The following RBFOX1 variants were observed in gnomAD, a reference collection of about 807,000 sequenced individuals.
RBFOX1 encodes the protein RNA binding fox-1 homolog 1, also known as RNA binding protein fox-1 homolog 1.
A neutral mutation model predicts 57.7 loss-of-function variants in RBFOX1; 8 were observed. The ratio of observed to expected loss-of-function variants is 0.14; its 90% CI spans 0.08 to 0.25. The LOEUF is 0.25. RBFOX1 is among the 10% of genes least tolerant of loss of function. The probability of loss-of-function intolerance (pLI) is 1.00; values close to 1 mark genes in which losing one functional copy is unlikely to be tolerated. For synonymous variants in RBFOX1, 326 were observed against 222.4 expected, an observed-to-expected ratio of 1.47 and a Z score of -4.15; for missense variants, 611 against 548.5, an observed-to-expected ratio of 1.11 and a Z score of -1.14.
chr16:6,296,290 A>G (rs987495131), intron 1 of RBFOX1, among the ~76,000 whole-genome samples: 2 of 152,222 alleles, frequency 1.3e-5, no homozygotes, highest in East Asian at 1.9e-4. Context: ...CTCCGGAAGC[A>G]GAATCCTGGC....
At chr16:7,523,253 G>A (rs569996024) in intron 5 of RBFOX1, among the ~76,000 whole-genome samples, 1 of 152,298 alleles carries the variant, frequency 6.6e-6, no homozygotes, top group African/African-American at 2.4e-5. Context: ...GGGCATTTGG[G>A]TTGTTTTTCA....
chr16:7,530,391 C>T lies in RBFOX1; in HGVS notation c.270+12002C>T, dbSNP rs567604689. ...CCCAATGACACTGCCTTTAGAAGCACGCTGAGCTGTACACTGTAAGTCTCT... is the reference window on the plus strand; with the variant it reads ...CCCAATGACACTGCCTTTAGAAGCATGCTGAGCTGTACACTGTAAGTCTCT... On this transcript the variant is annotated intron_variant, in intron 5 of 15. Transcript: ENST00000550418. 1.7e-3 allele frequency among the ~76,000 whole-genome samples: 256 copies of T among 152,074 alleles called. 3 individuals are homozygous for T. The highest frequency in any genetic ancestry group is 2.9e-3 in the Non-Finnish European group (195 of 68,022).
intron 2 of RBFOX1, among the ~76,000 whole-genome samples, chr16:5,518,169 AT>A (rs1195212060): frequency 6.6e-6 from 1 of 152,196 alleles, no homozygotes; most frequent in Non-Finnish European, 1.5e-5. Flanking sequence ...AACCAATAAA[AT>A]CCAAATTAGA....
chr16:7,075,596 T>A (rs1408157306), intron 4 of RBFOX1, among the ~76,000 whole-genome samples: 1 of 152,222 alleles, frequency 6.6e-6, no homozygotes, highest in East Asian at 1.9e-4. Flanking sequence ...TTTCTTTTTT[T>A]ATGAGACGGA....
chr16:7,169,202 T>G (rs2080181319), intron 4 of RBFOX1, among the ~76,000 whole-genome samples: 1 of 152,234 alleles, frequency 6.6e-6, no homozygotes, highest in South Asian at 2.1e-4. Context: ...CATATTTATA[T>G]GAACAGGATG....
At chr16:7,229,565 AGGGAGGGGAAGGAGAAAGG>A (rs2093355889) in intron 4 of RBFOX1, among the ~76,000 whole-genome samples, 1 of 135,094 alleles carries the variant, frequency 7.4e-6, no homozygotes, top group African/African-American at 2.8e-5. Flanking sequence ...GAAGGAAGGG[AGGGAGGGGAAGGAGAAAGG>A]GAGAGAGAGG....
intron 14 of RBFOX1, among the ~76,000 whole-genome samples, chr16:7,701,954 G>C (rs1432862456): frequency 6.6e-6 from 1 of 152,270 alleles, no homozygotes; most frequent in East Asian, 1.9e-4. Flanking sequence ...CTGAGGTTCT[G>C]GAAACCCTCT....
chr16:7,190,011 C>T (rs1379723193), intron 4 of RBFOX1, among the ~76,000 whole-genome samples: 1 of 152,118 alleles, frequency 6.6e-6, no homozygotes, highest in South Asian at 2.1e-4. Flanking sequence ...TATTAGAAGA[C>T]CAATAAGAAA....
At chr16:6,339,514 G>C (rs190115050) in intron 2 of RBFOX1, among the ~76,000 whole-genome samples, 1 of 152,116 alleles carries the variant, frequency 6.6e-6, no homozygotes, top group African/African-American at 2.4e-5. Flanking sequence ...AGAGGTCATC[G>C]TAAAGTCATG....
intron 1 of RBFOX1, among the ~76,000 whole-genome samples, chr16:6,114,936 C>G (rs1429339699): frequency 1.3e-5 from 2 of 152,134 alleles, no homozygotes; most frequent in Non-Finnish European, 2.9e-5. Flanking sequence ...TTTACACTGA[C>G]TTAGACCATT....
intron 1 of RBFOX1, among the ~76,000 whole-genome samples, chr16:6,213,246 C>G (rs931897845): frequency 6.6e-6 from 1 of 152,060 alleles, no homozygotes; most frequent in African/African-American, 2.4e-5. Context: ...CTTTCTTGAA[C>G]GCTTAATTAT....
intron 1 of RBFOX1, among the ~76,000 whole-genome samples, chr16:5,356,190 G>T (rs2065383857): frequency 6.6e-6 from 1 of 152,172 alleles, no homozygotes; most frequent in African/African-American, 2.4e-5. Flanking sequence ...AACAGCCAAG[G>T]GGTGGCAAGG....
At chr16:5,558,879 G>A (rs2045780651) in intron 2 of RBFOX1, among the ~76,000 whole-genome samples, 1 of 152,112 alleles carries the variant, frequency 6.6e-6, no homozygotes, top group Non-Finnish European at 1.5e-5. Flanking sequence ...GAGACACCTG[G>A]AGAACTTGTT....
intron 1 of RBFOX1, among the ~76,000 whole-genome samples, chr16:6,250,560 C>A (rs993294669): frequency 6.6e-6 from 1 of 152,106 alleles, no homozygotes. Flanking sequence ...CAACCAGGAG[C>A]CCTAGTTAAT....
At chr16:7,180,887 C>G (rs980037111) in intron 4 of RBFOX1, among the ~76,000 whole-genome samples, 1 of 152,154 alleles carries the variant, frequency 6.6e-6, no homozygotes, top group African/African-American at 2.4e-5. Context: ...GGTTGGCAAA[C>G]TTTTCCTGCA....
Position 6,735,327 on chromosome 16 carries a change from C to G in RBFOX1, c.-16+80677C>G, listed in dbSNP as rs1270944908. 2.6e-5 allele frequency among the ~76,000 whole-genome samples: 4 copies of G among 152,328 alleles called. No individual in the cohort carries two copies. In the East Asian group the frequency reaches 5.8e-4, roughly 22 times the overall value. ...TCATGTTGGTGGAATTACTTAAACTCTAAACCTGGTTACTTAGTGCCGTCA... is the reference window on the plus strand; with the variant it reads ...TCATGTTGGTGGAATTACTTAAACTGTAAACCTGGTTACTTAGTGCCGTCA... On this transcript the variant is annotated intron_variant, in intron 3 of 15. Coordinates refer to ENST00000550418, the MANE Select transcript of RBFOX1 (RefSeq NM_018723.4).
intron 1 of RBFOX1, among the ~76,000 whole-genome samples, chr16:5,333,260 TG>T (rs1314440793): frequency 2.0e-5 from 3 of 152,214 alleles, no homozygotes; most frequent in African/African-American, 7.2e-5. Flanking sequence ...TGACAAACCA[TG>T]GTCTGTGATT....
At chr16:7,353,242 T>C (rs984891108) in intron 4 of RBFOX1, among the ~76,000 whole-genome samples, 28 of 152,164 alleles carry the variant, frequency 1.8e-4, no homozygotes, top group African/African-American at 6.5e-4. Flanking sequence ...TAGCCATAAA[T>C]AAATGGTACC....
intron 4 of RBFOX1, among the ~76,000 whole-genome samples, chr16:7,296,743 C>G (rs1157940222): frequency 1.3e-5 from 2 of 152,154 alleles, no homozygotes; most frequent in Non-Finnish European, 2.9e-5. Flanking sequence ...TCCCAGGACT[C>G]TGGGCCTTTC....
Sources: gnomAD v4.1 joint callset for allele counts (sites outside exome capture counted in the v4.1 genomes callset) on GRCh38, gnomAD v4.1.1 for gene constraint, MANE v1.5 for transcripts, NCBI Gene and HGNC (gene_info 2026-07-23, HGNC 2026-07-21) for gene names.